The following PIK3C2G variants were observed in gnomAD, a reference collection of about 807,000 sequenced individuals.
PIK3C2G encodes phosphatidylinositol 3-kinase C2 domain-containing subunit gamma.
PIK3C2G carries 168 observed loss-of-function variants against 181.1 expected under a neutral mutation model. The ratio of observed to expected loss-of-function variants is 0.93; its 90% CI spans 0.82 to 1.05. PIK3C2G has a LOEUF of 1.05. Ranked by LOEUF, PIK3C2G falls within the 50% of genes least tolerant of loss-of-function variation. The pLI is 0.00. For missense variants in PIK3C2G, 1,869 were observed against 1,732.8 expected (o/e 1.08, Z -1.40); for synonymous variants, 573 against 592.2 (o/e 0.97, Z 0.47).
rs144768648 is a variant in PIK3C2G at position 18,429,263 on chromosome 12, G to A, written c.2504+5224G>A. Among the ~76,000 whole-genome samples, 644 of 152,222 alleles carry A rather than the reference G, an allele frequency of 4.2e-3. 5 individuals are homozygous for A. Among genetic ancestry groups the A allele is most frequent in the Non-Finnish European group, 6.0e-3 (407 of 68,004 alleles). On this transcript the variant is annotated intron_variant, in intron 18 of 32. Coordinates refer to ENST00000538779, the MANE Select transcript of PIK3C2G (RefSeq NM_001288772.2). ...GCTACCATAAGCTGGAAGAGGCAAG[G>A]AAGGTTCTCCCCGGAGCCTTGGGAG...
chr12:18,694,830 A>T, the PIK3C2G span: 1 of 1,104,128 alleles, frequency 9.1e-7, no homozygotes, highest in Non-Finnish European at 1.3e-6. Context: ...GAAGCAAATC[A>T]GTGGAATTCA....
chr12:18,325,916 C>A (rs1951327284), intron 8 of PIK3C2G, among the ~76,000 whole-genome samples: 1 of 152,032 alleles, frequency 6.6e-6, no homozygotes, highest in Non-Finnish European at 1.5e-5. Flanking sequence ...ACTTTGTCAG[C>A]TGATGACATG....
the PIK3C2G span, chr12:18,685,396 C>T: frequency 5.7e-6 from 1 of 175,836 alleles, no homozygotes; most frequent in African/African-American, 2.3e-5. Context: ...TTAATAAAGA[C>T]TCAAAGGTTT....
chr12:18,532,738 G>A (rs1943623427), intron 24 of PIK3C2G, among the ~76,000 whole-genome samples: 1 of 152,144 alleles, frequency 6.6e-6, no homozygotes, highest in Non-Finnish European at 1.5e-5. Flanking sequence ...ACCCTGTGGG[G>A]GATTGAAGTG....
At chr12:18,329,856 T>G (rs1565604623) in intron 8 of PIK3C2G, among the ~76,000 whole-genome samples, 1 of 152,124 alleles carries the variant, frequency 6.6e-6, no homozygotes, top group Non-Finnish European at 1.5e-5. Context: ...TTATAAGTGT[T>G]TGCCAACATT....
At chr12:18,587,670 A>G (rs371244016) in intron 29 of PIK3C2G, among the ~76,000 whole-genome samples, 16 of 152,252 alleles carry the variant, frequency 1.1e-4, no homozygotes, top group African/African-American at 3.9e-4. Flanking sequence ...TCAAGCTACC[A>G]ATGACATTCT....
chr12:18,500,581 T>G (rs1451313185), intron 22 of PIK3C2G, among the ~76,000 whole-genome samples: 1 of 152,132 alleles, frequency 6.6e-6, no homozygotes, highest in Non-Finnish European at 1.5e-5. Flanking sequence ...CAATGCGAGA[T>G]CCACTGGGTG....
intron 18 of PIK3C2G, among the ~76,000 whole-genome samples, chr12:18,457,968 A>G (rs1279023732): frequency 6.6e-6 from 1 of 152,152 alleles, no homozygotes; most frequent in African/African-American, 2.4e-5. Flanking sequence ...CTTCTTTTAT[A>G]ACCTTCTTTC....
At chr12:18,441,478 A>G (rs1946743239) in intron 18 of PIK3C2G, among the ~76,000 whole-genome samples, 1 of 152,096 alleles carries the variant, frequency 6.6e-6, no homozygotes, top group Non-Finnish European at 1.5e-5. Context: ...CATTGATGAG[A>G]CGGAAGAAAG....
chr12:18,596,819 C>CAATT (rs1947392075), intron 30 of PIK3C2G, among the ~76,000 whole-genome samples: 1 of 151,976 alleles, frequency 6.6e-6, no homozygotes, highest in South Asian at 2.1e-4. Context: ...GAGCCCAGAT[C>CAATT]AATTATCCAT....
chr12:18,438,900 AAT>A (rs145291278), intron 18 of PIK3C2G, among the ~76,000 whole-genome samples: 1 of 151,844 alleles, frequency 6.6e-6, no homozygotes, highest in Non-Finnish European at 1.5e-5. Flanking sequence ...TATATTGCAT[AAT>A]ATATATAATA....
chr12:18,652,623 T>A (rs1157755729), downstream of PIK3C2G, among the ~76,000 whole-genome samples: 1 of 152,118 alleles, frequency 6.6e-6, no homozygotes, highest in Non-Finnish European at 1.5e-5. Flanking sequence ...CTTGGCACAA[T>A]GTTTTTTAAA....
intron 17 of PIK3C2G, 149 bp from the exon 18 acceptor site, chr12:18,423,796 C>G: frequency 1.7e-6 from 1 of 605,274 alleles, no homozygotes; most frequent in Non-Finnish European, 3.0e-6. Flanking sequence ...AGTCATATAC[C>G]GACTCATAAA....
At chr12:18,605,278 A>C (rs1300246941) in intron 30 of PIK3C2G, among the ~76,000 whole-genome samples, 2 of 152,304 alleles carry the variant, frequency 1.3e-5, no homozygotes, top group African/African-American at 4.8e-5. Flanking sequence ...TAATCTAGAA[A>C]ACCTAGAAGA....
intron 29 of PIK3C2G, among the ~76,000 whole-genome samples, chr12:18,580,411 T>A (rs1946438137): frequency 6.6e-6 from 1 of 152,158 alleles, no homozygotes; most frequent in African/African-American, 2.4e-5. Flanking sequence ...TCAAAATAAA[T>A]CCAAATGGAT....
intron 30 of PIK3C2G, among the ~76,000 whole-genome samples, chr12:18,604,677 T>G (rs1446584727): frequency 6.6e-6 from 1 of 151,998 alleles, no homozygotes; most frequent in Non-Finnish European, 1.5e-5. Flanking sequence ...TTAAGAAAAT[T>G]GAAATTATAT....
At chr12:18,569,040 G>A (rs1355577929) in intron 29 of PIK3C2G, among the ~76,000 whole-genome samples, 1 of 152,054 alleles carries the variant, frequency 6.6e-6, no homozygotes, top group African/African-American at 2.4e-5. Flanking sequence ...TCAAGAGGAG[G>A]CAGCTTGTGT....
At chr12:18,352,017 A>G (rs1293152143) in intron 11 of PIK3C2G, among the ~76,000 whole-genome samples, 1 of 152,126 alleles carries the variant, frequency 6.6e-6, no homozygotes, top group Non-Finnish European at 1.5e-5. Flanking sequence ...TAATGATGCA[A>G]TTCTCACAAT....
Position 18,594,485 on chromosome 12 carries a change from G to C in PIK3C2G, c.4012-9G>C, listed in dbSNP as rs370921856. 2 of 1,512,120 alleles carry C rather than the reference G, an allele frequency of 1.3e-6. No individual in the cohort carries two copies. The highest frequency in any genetic ancestry group is 1.8e-6 in the Non-Finnish European group (2 of 1,125,490). The allele number at this position is 1,512,120 out of a possible 1,614,324, so 93.7% of individuals were successfully genotyped here. On this transcript the variant is annotated splice_polypyrimidine_tract_variant and intron_variant, in intron 29 of 32. Transcript: ENST00000538779. ...ATAAAGAAATATTATGTTTCATTTT[G>C]TTTTTCAGAGTGATTGTGTACTTAG...
Sources: gnomAD v4.1 joint callset for allele counts (sites outside exome capture counted in the v4.1 genomes callset) on GRCh38, gnomAD v4.1.1 for gene constraint, MANE v1.5 for transcripts, NCBI Gene and HGNC (gene_info 2026-07-23, HGNC 2026-07-21) for gene names.